The following XRN2 variants were observed in gnomAD, a reference collection of about 807,000 sequenced individuals.
The protein encoded by XRN2 is DHM1-like protein.
A neutral mutation model predicts 138.5 loss-of-function variants in XRN2; 44 were observed. The observed-to-expected ratio is 0.32, with a 90% CI of 0.25 to 0.41. XRN2 has a LOEUF of 0.41. Among genes scored for constraint, XRN2 ranks in the 10% least tolerant of loss-of-function variants. The probability of loss-of-function intolerance (pLI) is 1.00; values close to 1 mark genes in which losing one functional copy is unlikely to be tolerated. For synonymous variants in XRN2, 354 were observed against 369.4 expected (o/e 0.96, Z 0.48); for missense variants, 937 against 1,169.3 (o/e 0.80, Z 2.90).
intron 21 of XRN2, 104 bp downstream of exon 21, chr20:21,354,976 A>G: frequency 1.2e-6 from 1 of 860,766 alleles, no homozygotes; most frequent in South Asian, 2.8e-5. Context: ...TTTCCCATAA[A>G]GGGGATATAA....
In XRN2 at chr20:21,356,287, A is replaced by G. The variant is rs1600704501; in HGVS notation, c.2118+110A>G. On this transcript the variant is annotated intron_variant, in intron 22 of 29. Coordinates refer to ENST00000377191, the MANE Select transcript of XRN2 (RefSeq NM_012255.5). ...CATTTTTAAGTGGTTATTCTGTGGC[A>G]TTAAGTATATTTCCAGTGTTGTATA... The G allele has an allele frequency of 1.6e-5, 13 of 813,262 alleles. No individual in the cohort carries two copies. In the South Asian group the frequency reaches 2.1e-4, roughly 13 times the overall value. The allele number at this position is 813,262 out of a possible 1,614,324, so 50.4% of individuals were successfully genotyped here.
chr20:21,370,622 C>G (rs1379781821), intron 27 of XRN2, among the ~76,000 whole-genome samples: 1 of 152,122 alleles, frequency 6.6e-6, no homozygotes, highest in African/African-American at 2.4e-5. Context: ...TAGACTATAC[C>G]TTTAACCCTA....
At chr20:21,312,272 C>T (rs574145938) in intron 1 of XRN2, among the ~76,000 whole-genome samples, 18 of 152,122 alleles carry the variant, frequency 1.2e-4, no homozygotes, top group Non-Finnish European at 2.4e-4. Flanking sequence ...GCCACCATGC[C>T]CAGCTAAGTT....
intron 1 of XRN2, among the ~76,000 whole-genome samples, chr20:21,325,263 A>C (rs2038107890): frequency 6.6e-6 from 1 of 152,198 alleles, no homozygotes; most frequent in South Asian, 2.1e-4. Flanking sequence ...TAAAAATTAG[A>C]TCTCATAGTC....
rs779287463 is a variant in XRN2, at chr20:21,344,143, A to G, written c.1464A>G (p.Pro488=). 1.9e-6 allele frequency: 3 copies of G among 1,613,570 alleles called. No individual in the cohort carries two copies. Among genetic ancestry groups the G allele is most frequent in the Non-Finnish European group, 8.5e-7 (1 of 1,179,574 alleles). The part of the protein sequence containing the change: ...TSFTSDGSPS[P]LGGIKRKAED... ...TCACATCTGATGGCTCCCCGTCTCC[A>G]TTAGGAGGAATTAAGCGAAAAGCAG... Residue 488 remains proline, a synonymous_variant, in exon 16 of 30, where the codon CCA becomes CCG. Transcript: ENST00000377191.
intron 24 of XRN2, 151 bp from the exon 25 acceptor site, chr20:21,365,270 T>C: frequency 1.5e-6 from 1 of 664,350 alleles, no homozygotes; most frequent in Non-Finnish European, 2.5e-6. Flanking sequence ...TTAGAGACAG[T>C]TTGGTGAGGA....
At position 21,332,358 on chromosome 20, in the gene XRN2, A is replaced by G; in HGVS notation, c.776A>G (p.Lys259Arg). The stretch of plus-strand genomic sequence containing the variant: ...ATTAGAGAAGAATTCAAACCAAACA[A>G]GCCCAAACCATGTGGTCTTTGTAAT... ...TIIREEFKPN[K>R]PKPCGLCNQF... Residue 259 changes from lysine to arginine, a missense_variant, in exon 9 of 30, where the codon AAG becomes AGG. By Grantham distance (26) the Lys-to-Arg change is conservative. Coordinates refer to ENST00000377191, the MANE Select transcript of XRN2 (RefSeq NM_012255.5). 2.5e-6 allele frequency: 4 copies of G among 1,614,010 alleles called. No individual in the cohort carries two copies. The highest frequency in any genetic ancestry group is 3.4e-6 in the Non-Finnish European group (4 of 1,179,908).
rs766286079 is a variant in XRN2, at chr20:21,340,756, A to C, written c.1314A>C (p.Leu438Phe). 6.2e-7 allele frequency: 1 copy of C among 1,613,974 alleles called. No homozygotes were observed. The change falls in exon 15 of 30, where the codon TTA becomes TTC. Residue 438 changes from leucine (L) to phenylalanine (F), a missense_variant. Physicochemically the swap from Leu to Phe is conservative, Grantham distance 22 (BLOSUM62 0). This residue lies in a region of XRN2 where 471 missense variants were observed against 581.2 expected (regional missense o/e 0.81). Transcript: ENST00000377191. ...CAGCTTTCACTCCTAGTGGAATATT[A>C]ACTCCTCATGCCTTGGGTTCAAGAA... ...DQPAFTPSGI[L>F]TPHALGSRNS...
rs1157030020 is a variant in XRN2 at position 21,334,193 on chromosome 20, GT to G, written c.1233+11del. 2 of 1,610,308 alleles carry G rather than the reference GT, an allele frequency of 1.2e-6. No individual in the cohort carries two copies. Among genetic ancestry groups the G allele is most frequent in the African/African-American group, 2.7e-5 (2 of 74,832 alleles). ...AAGAGAAAGGATGATGAGGTAAAGTGTTTCTATTGCAGTAGCTAAAATTGCT... is the reference window on the plus strand; with the variant it reads ...AAGAGAAAGGATGATGAGGTAAAGTGTTCTATTGCAGTAGCTAAAATTGCT... On this transcript the variant is annotated intron_variant, in intron 13 of 29. Transcript: ENST00000377191.
rs1325364964 is a variant in XRN2 at position 21,330,473 on chromosome 20, T to A, written c.428-8T>A. 6.2e-7 allele frequency: 1 copy of A among 1,613,058 alleles called. No homozygotes were observed. Among genetic ancestry groups the A allele is most frequent in the Non-Finnish European group, 8.5e-7 (1 of 1,179,898 alleles). ...TGGGGAGAACAAAACGTTGCCTCTT[T>A]TCTCTAGGTGGCTTTCTTCCTCCAG... On this transcript the variant is annotated splice_polypyrimidine_tract_variant and splice_region_variant and intron_variant, in intron 4 of 29. Transcript: ENST00000377191.
chr20:21,373,802 T>C (rs975256093), intron 27 of XRN2, among the ~76,000 whole-genome samples: 1 of 152,220 alleles, frequency 6.6e-6, no homozygotes, highest in African/African-American at 2.4e-5. Context: ...GTTCAAGGTT[T>C]GTGTGGTTTT....
chr20:21,377,257 G>GTTTTTTTTTT (rs1166479171), intron 27 of XRN2, among the ~76,000 whole-genome samples: 1 of 30,322 alleles, frequency 3.3e-5, no homozygotes, highest in African/African-American at 1.9e-4. Flanking sequence ...TGATTTGTCG[G>GTTTTTTTTTT]TTTTTTCTTT....
At chr20:21,326,461 T>C in intron 2 of XRN2, 29 bp from the exon 3 acceptor site, 1 of 1,613,724 alleles carries the variant, frequency 6.2e-7, no homozygotes, top group Non-Finnish European at 8.5e-7. Flanking sequence ...AACATTATAT[T>C]ATATTACATT....
intron 15 of XRN2, among the ~76,000 whole-genome samples, chr20:21,341,160 G>A (rs928880700): frequency 1.3e-5 from 2 of 152,156 alleles, no homozygotes; most frequent in Non-Finnish European, 2.9e-5. Context: ...TTTTTGTAAT[G>A]CAGATGAACC....
At chr20:21,383,555 A>G (rs906868997) in intron 28 of XRN2, among the ~76,000 whole-genome samples, 12 of 152,216 alleles carry the variant, frequency 7.9e-5, no homozygotes, top group African/African-American at 2.2e-4. Context: ...TTCTTTACCA[A>G]GAAACTTTTC....
chr20:21,356,498 A>G, intron 22 of XRN2, 88 bp from the exon 23 acceptor site: 1 of 1,199,604 alleles, frequency 8.3e-7, no homozygotes, highest in Non-Finnish European at 1.2e-6. Context: ...GGCTCTTATG[A>G]ATGATGCTGC....
At chr20:21,373,505 A>G (rs1338682711) in intron 27 of XRN2, among the ~76,000 whole-genome samples, 1 of 152,200 alleles carries the variant, frequency 6.6e-6, no homozygotes, top group African/African-American at 2.4e-5. Flanking sequence ...GCAAGACTGT[A>G]GGATTGTGTG....
chr20:21,346,277 T>C, intron 16 of XRN2, 138 bp from the exon 17 acceptor site: 1 of 1,080,746 alleles, frequency 9.3e-7, no homozygotes. Context: ...GTTAAATGAA[T>C]CTGTGTTAGC....
intron 24 of XRN2, among the ~76,000 whole-genome samples, chr20:21,358,904 A>C (rs1344586998): frequency 1.3e-5 from 2 of 152,216 alleles, no homozygotes; most frequent in Non-Finnish European, 2.9e-5. Flanking sequence ...CAGTGTGAAC[A>C]CTGTGTATTA....
Sources: gnomAD v4.1 joint callset for allele counts (sites outside exome capture counted in the v4.1 genomes callset) on GRCh38, gnomAD v4.1.1 for gene constraint, gnomAD v4.1.1 regional missense constraint, MANE v1.5 for transcripts, NCBI Gene and HGNC (gene_info 2026-07-23, HGNC 2026-07-21) for gene names.